Variants in PPM1B observed in about 807,000 individuals in gnomAD.
PPM1B encodes the protein protein phosphatase 1B.
PPM1B carries 22 observed loss-of-function variants against 43.0 expected under a neutral mutation model. That is an observed-to-expected ratio of 0.51 (90% CI 0.37 to 0.73). PPM1B has a LOEUF of 0.73. PPM1B is among the 30% of genes least tolerant of loss of function. PPM1B has a pLI of 0.00. For missense variants in PPM1B, 632 were observed against 584.2 expected, an observed-to-expected ratio of 1.08 and a Z score of -0.84; for synonymous variants, 217 against 197.9, an observed-to-expected ratio of 1.10 and a Z score of -0.81.
Position 44,201,859 on chromosome 2 carries a change from T to G in PPM1B, c.660T>G (p.Val220=), listed in dbSNP as rs779987816. The change falls in exon 2 of 6, where the codon GTT becomes GTG. Residue 220 remains valine, a synonymous_variant. Coordinates refer to ENST00000282412, the MANE Select transcript of PPM1B (RefSeq NM_002706.6). The surrounding 1 kb of genome is among the most constrained non-coding windows in gnomAD (Gnocchi z 5.4). ...GCAAGGGCCCAACAGAACAACTTGTTTCTCCAGAGCCTGAGGTTTATGAAA... is the reference window on the plus strand; with the variant it reads ...GCAAGGGCCCAACAGAACAACTTGTGTCTCCAGAGCCTGAGGTTTATGAAA... ...VDGKGPTEQL[V]SPEPEVYEIL... 6.2e-7 allele frequency: 1 copy of G among 1,614,140 alleles called. No individual in the cohort carries two copies. The highest frequency in any genetic ancestry group is 8.5e-7 in the Non-Finnish European group (1 of 1,180,002).
downstream of PPM1B, among the ~76,000 whole-genome samples, chr2:44,236,268 T>G (rs552977119): frequency 5.3e-5 from 8 of 151,710 alleles, no homozygotes; most frequent in African/African-American, 1.9e-4. Flanking sequence ...CTTGGTGTGG[T>G]GCTGCGTGCC....
chr2:44,202,189 ATTG>A, intron 2 of PPM1B, 144 bp downstream of exon 2: 1 of 845,892 alleles, frequency 1.2e-6, no homozygotes, highest in Non-Finnish European at 1.7e-6. Flanking sequence ...AAATGAAACC[ATTG>A]TTTTCTTTGC....
At chr2:44,197,954 C>T (rs1668740268) in intron 1 of PPM1B, among the ~76,000 whole-genome samples, 1 of 152,008 alleles carries the variant, frequency 6.6e-6, no homozygotes, top group East Asian at 1.9e-4. Flanking sequence ...CCTTCAGAAA[C>T]CTTTGGGAAA....
At chr2:44,246,922 A>C (rs979302118), downstream of PPM1B, among the ~76,000 whole-genome samples, 1 of 152,092 alleles carries the variant, frequency 6.6e-6, no homozygotes, top group African/African-American at 2.4e-5. Context: ...AAATATTTTT[A>C]AAAATATCCC....
downstream of PPM1B, among the ~76,000 whole-genome samples, chr2:44,237,959 G>T (rs76394108): frequency 6.6e-6 from 1 of 152,176 alleles, no homozygotes; most frequent in Non-Finnish European, 1.5e-5. Flanking sequence ...GGAGTGCAAT[G>T]GCACGATCTC....
chr2:44,205,332 AGTGGGT>A (rs11277275), intron 2 of PPM1B, among the ~76,000 whole-genome samples: 75,906 of 141,156 alleles, frequency 0.54, 20,011 homozygotes, highest in South Asian at 0.63. Context: ...AATAAAGAAG[AGTGGGT>A]GTGGGTGTGG....
chr2:44,217,822 C>G, intron 3 of PPM1B, 145 bp from the exon 4 acceptor site: 3 of 448,032 alleles, frequency 6.7e-6, no homozygotes, highest in Non-Finnish European at 1.2e-5. Context: ...TTTTGTATTA[C>G]TTCTTAAAAA....
chr2:44,215,303 T>C (rs538104747), intron 3 of PPM1B, among the ~76,000 whole-genome samples: 1 of 152,264 alleles, frequency 6.6e-6, no homozygotes, highest in African/African-American at 2.4e-5. Context: ...CAAAAAAGTT[T>C]TAAAGATTAG....
At chr2:44,242,903 C>T (rs887384200) in intron 5 of PPM1B, among the ~76,000 whole-genome samples, 5 of 152,000 alleles carry the variant, frequency 3.3e-5, no homozygotes, top group Admixed American at 2.0e-4. Flanking sequence ...CTGAGTTCGC[C>T]ATTTGCCTTT....
At chr2:44,208,037 C>T (rs769949544) in intron 2 of PPM1B, among the ~76,000 whole-genome samples, 20 of 151,748 alleles carry the variant, frequency 1.3e-4, no homozygotes, top group South Asian at 2.1e-4. Flanking sequence ...TACAGGTGCG[C>T]GCCACCACGC....
At chr2:44,188,751 C>T (rs1384537842) in intron 1 of PPM1B, among the ~76,000 whole-genome samples, 4 of 148,336 alleles carry the variant, frequency 2.7e-5, no homozygotes, top group African/African-American at 1.0e-4. Flanking sequence ...TCCTTCCTTC[C>T]TTCCTTCCTT....
downstream of PPM1B, among the ~76,000 whole-genome samples, chr2:44,235,184 C>G (rs956078869): frequency 6.6e-6 from 1 of 152,222 alleles, no homozygotes; most frequent in Non-Finnish European, 1.5e-5. Flanking sequence ...GTCTGTCTTG[C>G]ATTTTGAATG....
intron 1 of PPM1B, among the ~76,000 whole-genome samples, chr2:44,190,605 CTA>C (rs1223511818): frequency 1.3e-5 from 2 of 151,936 alleles, no homozygotes; most frequent in African/African-American, 4.8e-5. Flanking sequence ...TTAAAGAACT[CTA>C]AAAAAATTTA....
intron 3 of PPM1B, among the ~76,000 whole-genome samples, chr2:44,214,018 C>T (rs935679553): frequency 6.6e-6 from 1 of 152,204 alleles, no homozygotes; most frequent in African/African-American, 2.4e-5. Context: ...ACTTATCCAA[C>T]TTGCTTAACC....
In PPM1B at chr2:44,201,169, T is replaced by C. The variant is rs1258725366; in HGVS notation, c.-14-17T>C. 1 of 1,557,234 alleles carries C rather than the reference T, an allele frequency of 6.4e-7. No homozygotes were observed. The highest frequency in any genetic ancestry group is 2.3e-5 in the East Asian group (1 of 44,294). ...CTGTCAAATTTAAACATTTAACACC[T>C]GCATTTTTTATTTCAGATTTATTGC... On this transcript the variant is annotated splice_polypyrimidine_tract_variant and intron_variant, in intron 1 of 5. Transcript: ENST00000282412. This position sits in a 1 kb window ranked among gnomAD's most constrained non-coding sequence, Gnocchi z 5.4.
At chr2:44,185,058 G>A (rs1415959975) in intron 1 of PPM1B, among the ~76,000 whole-genome samples, 1 of 150,966 alleles carries the variant, frequency 6.6e-6, no homozygotes, top group African/African-American at 2.4e-5. Context: ...ATATTATTGG[G>A]TTTTATAGTA....
At chr2:44,205,354 GGT>G (rs3074507) in intron 2 of PPM1B, among the ~76,000 whole-genome samples, 331 of 91,708 alleles carry the variant, frequency 3.6e-3, no homozygotes, top group African/African-American at 0.01. Context: ...TGTGGGTGTG[GGT>G]GTGTGTGTGT....
intron 3 of PPM1B, among the ~76,000 whole-genome samples, chr2:44,214,296 C>T (rs983432161): frequency 1.3e-5 from 2 of 151,966 alleles, no homozygotes; most frequent in African/African-American, 2.4e-5. Flanking sequence ...AGCTCAATCT[C>T]GTGACCTCGT....
intron 1 of PPM1B, among the ~76,000 whole-genome samples, chr2:44,189,809 C>T (rs1220579585): frequency 6.6e-6 from 1 of 152,154 alleles, no homozygotes; most frequent in African/African-American, 2.4e-5. Flanking sequence ...TTATGGCTTC[C>T]AAAGGCTTTT....
Sources: gnomAD v4.1 joint callset for allele counts (sites outside exome capture counted in the v4.1 genomes callset) on GRCh38, gnomAD v4.1.1 for gene constraint, Gnocchi (gnomAD v3.1) non-coding constraint, MANE v1.5 for transcripts, NCBI Gene and HGNC (gene_info 2026-07-23, HGNC 2026-07-21) for gene names.